The following DCAF7 variants were observed in gnomAD, a reference collection of about 807,000 sequenced individuals.
DCAF7 encodes the protein DDB1 and CUL4 associated factor 7, also known as DDB1- and CUL4-associated factor 7.
DCAF7 carries 4 observed loss-of-function variants against 41.2 expected under a neutral mutation model. The ratio of observed to expected loss-of-function variants is 0.10; its 90% CI spans 0.05 to 0.22. The LOEUF (loss-of-function observed/expected upper bound fraction) is 0.22. Ranked by LOEUF, DCAF7 falls within the 10% of genes least tolerant of loss-of-function variation. The pLI is 1.00. For synonymous variants in DCAF7, 143 were observed against 164.2 expected (o/e 0.87, Z 0.99); for missense variants, 131 against 443.2 (o/e 0.30, Z 6.32).
At chr17:63,552,950 C>T (rs537666959) in intron 1 of DCAF7, among the ~76,000 whole-genome samples, 7 of 152,318 alleles carry the variant, frequency 4.6e-5, no homozygotes, top group South Asian at 4.1e-4. Context: ...GTAGGCAATG[C>T]GCTGTCTTAA....
At chr17:63,575,882 T>C (rs905496053) in intron 1 of DCAF7, among the ~76,000 whole-genome samples, 3 of 152,066 alleles carry the variant, frequency 2.0e-5, no homozygotes, top group African/African-American at 7.2e-5. Context: ...AAAGCAAAAG[T>C]AGAGAATAGC....
intron 1 of DCAF7, among the ~76,000 whole-genome samples, chr17:63,560,459 GCTTTTCATATA>G (rs1307930697): frequency 6.6e-6 from 1 of 152,168 alleles, no homozygotes; most frequent in Non-Finnish European, 1.5e-5. Context: ...GAATGAGCTA[GCTTTTCATATA>G]CTGATATGGA....
rs539501540 is a variant in DCAF7, at chr17:63,583,429, T to TGG, written c.529-72_529-71dup. 4.8e-5 allele frequency: 64 copies of TGG among 1,336,246 alleles called. No homozygotes were observed. The African/African-American group carries it at 8.4e-4, about 17-fold the overall frequency. 82.8% of individuals were successfully genotyped at this position (1,336,246 alleles called of 1,614,324 possible). On this transcript the variant is annotated intron_variant, in intron 4 of 6. Transcript: ENST00000614556. ...GAGCGAGGTTTAGATGAACTGGACG[T>TGG]GGCAGATTTCCCTCCTATAGGAAGA...
At chr17:63,564,209 A>G (rs2147764517) in intron 1 of DCAF7, among the ~76,000 whole-genome samples, 1 of 152,010 alleles carries the variant, frequency 6.6e-6, no homozygotes, top group East Asian at 1.9e-4. Flanking sequence ...ATTTTATATG[A>G]TGTGATACAC....
chr17:63,576,152 C>A (rs1317413860), intron 1 of DCAF7, among the ~76,000 whole-genome samples: 1 of 152,162 alleles, frequency 6.6e-6, no homozygotes, highest in African/African-American at 2.4e-5. Flanking sequence ...TGTAAAAAAG[C>A]AAACCTTGTT....
In DCAF7 at chr17:63,565,252, G is replaced by A. The variant is rs565470826; in HGVS notation, c.139-13218G>A. 3.3e-5 allele frequency among the ~76,000 whole-genome samples: 5 copies of A among 152,300 alleles called. No homozygotes were observed. The South Asian group carries it at 1.0e-3, about 32-fold the overall frequency. The stretch of plus-strand genomic sequence containing the variant: ...TTCCGTGTAATGGTGAAGAGTTTGG[G>A]TAGTGGGATGGGACTGCCTGTATTT... On this transcript the variant is annotated intron_variant, in intron 1 of 6. Coordinates refer to ENST00000614556, the MANE Select transcript of DCAF7 (RefSeq NM_005828.5).
intron 1 of DCAF7, among the ~76,000 whole-genome samples, chr17:63,556,359 C>T (rs751117301): frequency 4.0e-5 from 6 of 150,358 alleles, no homozygotes; most frequent in African/African-American, 7.4e-5. Flanking sequence ...CACCTGAGGT[C>T]GGGAGTTCAA....
intron 6 of DCAF7, among the ~76,000 whole-genome samples, chr17:63,586,860 T>TA (rs1344184788): frequency 6.6e-6 from 1 of 152,198 alleles, no homozygotes; most frequent in African/African-American, 2.4e-5. Context: ...GAAGCATATT[T>TA]AAGAGCAAGG....
intron 1 of DCAF7, among the ~76,000 whole-genome samples, chr17:63,568,855 C>A (rs2033474172): frequency 6.6e-6 from 1 of 152,178 alleles, no homozygotes; most frequent in Non-Finnish European, 1.5e-5. Context: ...GCTATGTATG[C>A]CAGCTTTCCC....
intron 4 of DCAF7, 49 bp downstream of exon 4, chr17:63,579,992 C>T (rs2033603175): frequency 1.4e-6 from 2 of 1,403,034 alleles, no homozygotes; most frequent in Non-Finnish European, 2.0e-6. Context: ...CCTGTGCCTT[C>T]CGCACAGGAA....
intron 1 of DCAF7, among the ~76,000 whole-genome samples, chr17:63,562,091 A>T (rs1173966590): frequency 6.6e-6 from 1 of 152,148 alleles, no homozygotes. Context: ...ATTAGAATAA[A>T]CATACTGGAA....
In DCAF7 at chr17:63,593,310, A is replaced by G. The variant is rs1282983512; in HGVS notation, c.*4138A>G. ...TTGCAGACCCTTGCCCACTTCACCCACCTGCACCTTCTCCCCCTCTCACAG... is the reference window on the plus strand; with the variant it reads ...TTGCAGACCCTTGCCCACTTCACCCGCCTGCACCTTCTCCCCCTCTCACAG... On this transcript the variant is annotated 3_prime_UTR_variant, in exon 7 of 7. Coordinates refer to ENST00000614556, the MANE Select transcript of DCAF7 (RefSeq NM_005828.5). The G allele has an allele frequency of 6.5e-6, 1 of 152,674 alleles. No homozygotes were observed. Among genetic ancestry groups the G allele is most frequent in the Non-Finnish European group, 1.5e-5 (1 of 68,142 alleles). The allele number at this position is 152,674 out of a possible 1,614,324, so 9.5% of individuals were successfully genotyped here. A position where few individuals can be genotyped will look rare whatever the true frequency, so the allele number is the denominator to read the frequency against.
intron 1 of DCAF7, among the ~76,000 whole-genome samples, chr17:63,556,752 A>G (rs1173453622): frequency 1.3e-5 from 2 of 152,164 alleles, no homozygotes; most frequent in African/African-American, 4.8e-5. Flanking sequence ...CTGTAATCCA[A>G]GCTACTTGGG....
chr17:63,591,694 ACCGAT>A lies in DCAF7; in HGVS notation c.*2524_*2528del, dbSNP rs2033735220. On this transcript the variant is annotated 3_prime_UTR_variant, in exon 7 of 7. Transcript: ENST00000614556. ...GTAAGCCATCCATGCTCCAGAAAGC[ACCGAT>A]CTGTTGTAGTTGCAAAAACAACTCT... 6.6e-6 allele frequency: 1 copy of A among 152,246 alleles called. No homozygotes were observed. Among genetic ancestry groups the A allele is most frequent in the African/African-American group, 2.4e-5 (1 of 41,454 alleles). 9.4% of individuals were successfully genotyped at this position (152,246 alleles called of 1,614,324 possible). A position where few individuals can be genotyped will look rare whatever the true frequency, so the allele number is the denominator to read the frequency against.
rs1309597415 is a variant in DCAF7 at position 63,583,528 on chromosome 17, C to T, written c.555C>T (p.Ala185=). 4.2e-5 allele frequency: 67 copies of T among 1,613,764 alleles called. No homozygotes were observed. In the Middle Eastern group the frequency reaches 1.5e-3, roughly 36 times the overall value. Residue 185 remains alanine (A), a synonymous_variant, in exon 5 of 7, where the codon GCC becomes GCT. Transcript: ENST00000614556. The part of the protein sequence containing the change: ...KEVYDIAFSR[A]GGGRDMFASV... ...TCTATGATATTGCATTTAGCCGGGC[C>T]GGGGGTGGCAGGGACATGTTTGCCT...
chr17:63,565,940 A>T (rs917597996), intron 1 of DCAF7, among the ~76,000 whole-genome samples: 1 of 152,074 alleles, frequency 6.6e-6, no homozygotes, highest in African/African-American at 2.4e-5. Flanking sequence ...GTCTCTACTA[A>T]AAATACAAAA....
chr17:63,557,999 G>A (rs1053548174), intron 1 of DCAF7, among the ~76,000 whole-genome samples: 1 of 152,082 alleles, frequency 6.6e-6, no homozygotes, highest in Non-Finnish European at 1.5e-5. Context: ...AGGCTTAATC[G>A]ATTGTCCCAC....
intron 1 of DCAF7, among the ~76,000 whole-genome samples, chr17:63,577,157 G>A (rs1367223842): frequency 6.6e-6 from 1 of 152,144 alleles, no homozygotes; most frequent in African/African-American, 2.4e-5. Context: ...AGGAGCCTGG[G>A]AGAGCTTTCT....
At chr17:63,572,793 C>T (rs946328194) in intron 1 of DCAF7, among the ~76,000 whole-genome samples, 4 of 152,168 alleles carry the variant, frequency 2.6e-5, no homozygotes, top group African/African-American at 7.2e-5. Context: ...GACAAGGCCT[C>T]GCTCTGTTGC....
Sources: allele counts gnomAD v4.1 joint callset (sites outside exome capture counted in the v4.1 genomes callset), GRCh38; gene constraint gnomAD v4.1.1; transcripts MANE v1.5; gene names NCBI Gene and HGNC (gene_info 2026-07-23, HGNC 2026-07-21).